Variants in MED13 observed in about 807,000 individuals in gnomAD.
MED13 encodes the protein mediator complex subunit 13.
A neutral mutation model predicts 225.2 loss-of-function variants in MED13; 23 were observed. That is an observed-to-expected ratio of 0.10 (90% CI 0.07 to 0.14). The LOEUF is 0.14. MED13 is among the 10% of genes least tolerant of loss of function. MED13 has a pLI of 1.00. For synonymous variants in MED13, 942 were observed against 889.2 expected (o/e 1.06, Z -1.06); for missense variants, 2,197 against 2,594.5 (o/e 0.85, Z 3.33).
In MED13 at chr17:61,982,408, A is replaced by T; in HGVS notation, c.3595T>A (p.Leu1199Ile). 6.2e-7 allele frequency: 1 copy of T among 1,614,226 alleles called. No homozygotes were observed. Residue 1199 changes from leucine to isoleucine, a missense_variant, in exon 16 of 30, where the codon TTA (leucine) becomes ATA (isoleucine). Coordinates refer to ENST00000397786, the MANE Select transcript of MED13 (RefSeq NM_005121.3). Reference sequence around the variant, plus strand: ...TCTGCTGCTCCAAAGGGTGAAAATAAATTAGTGCACTGATCTTGTAGCAAT... The same window carrying T: ...TCTGCTGCTCCAAAGGGTGAAAATATATTAGTGCACTGATCTTGTAGCAAT... ...ILLLQDQCTN[L>I]FSPFGAADQD... is the part of the protein sequence containing the mutation.
At chr17:62,003,364 G>T (rs151064483) in intron 9 of MED13, among the ~76,000 whole-genome samples, 1,932 of 152,192 alleles carry the variant, frequency 0.013, 15 homozygotes, top group Non-Finnish European at 0.021. Flanking sequence ...CCAGCACTTT[G>T]TGAGGCTGAG....
intron 8 of MED13, among the ~76,000 whole-genome samples, chr17:62,012,158 G>A (rs2080515963): frequency 6.6e-6 from 1 of 151,714 alleles, no homozygotes; most frequent in Non-Finnish European, 1.5e-5. Flanking sequence ...AGAGGTTGCA[G>A]TGAGCCGAGA....
intron 2 of MED13, among the ~76,000 whole-genome samples, chr17:62,062,593 ACACACAC>A (rs1345801249): frequency 1.7e-5 from 1 of 57,206 alleles, no homozygotes; most frequent in Non-Finnish European, 2.9e-5. Flanking sequence ...ACACACACAC[ACACACAC>A]CACACACACA....
intron 8 of MED13, among the ~76,000 whole-genome samples, chr17:62,025,966 G>C (rs1425270265): frequency 6.6e-6 from 1 of 152,168 alleles, no homozygotes; most frequent in Non-Finnish European, 1.5e-5. Flanking sequence ...CAGCACACTT[G>C]AGAGAGTCTG....
At position 61,967,571 on chromosome 17, in the gene MED13, T is replaced by C. The variant is rs989813647; in HGVS notation, c.4191+464A>G. On this transcript the variant is annotated intron_variant, in intron 18 of 29. Transcript: ENST00000397786. ...CAATTATTGCGCCTGGTGATGGATA[T>C]GTGAGAATTATAACTTAAAAGAAGA... Among the ~76,000 whole-genome samples, 4 of 152,160 alleles carry C rather than the reference T, an allele frequency of 2.6e-5. No individual in the cohort carries two copies. The East Asian group carries it at 5.8e-4, about 22-fold the overall frequency.
At chr17:62,062,628 G>A (rs1160991224) in intron 2 of MED13, among the ~76,000 whole-genome samples, 1 of 128,920 alleles carries the variant, frequency 7.8e-6, no homozygotes, top group East Asian at 2.2e-4. Flanking sequence ...ACACACACAC[G>A]GATAGTTACA....
rs116923684 is a variant in MED13, at chr17:62,027,713, A to T, written c.1283+1828T>A. Reference sequence around the variant, plus strand: ...TGTCTAATATCCAGTATCTAAAAAAACTTAAATTTATATATAAAAAAAATC... The same window carrying T: ...TGTCTAATATCCAGTATCTAAAAAATCTTAAATTTATATATAAAAAAAATC... On this transcript the variant is annotated intron_variant, in intron 8 of 29. Transcript: ENST00000397786. 8.4e-3 allele frequency among the ~76,000 whole-genome samples: 1,273 copies of T among 152,290 alleles called. 49 individuals are homozygous for T. In the East Asian group the frequency reaches 0.13, roughly 15 times the overall value.
intron 8 of MED13, among the ~76,000 whole-genome samples, chr17:62,021,544 T>C (rs2080647532): frequency 6.6e-6 from 1 of 152,256 alleles, no homozygotes. Flanking sequence ...CTGCTTTCTA[T>C]GTGCAGTTTT....
At chr17:62,048,742 G>A (rs954622458) in intron 3 of MED13, among the ~76,000 whole-genome samples, 5 of 152,076 alleles carry the variant, frequency 3.3e-5, no homozygotes, top group Admixed American at 1.3e-4. Flanking sequence ...GTGACAGAGC[G>A]TACAAATACT....
Position 61,983,051 on chromosome 17 carries a change from A to G in MED13, c.2952T>C (p.Phe984=). ...TAYTPQTHTS[F]GMPPSSAPPS... ...GAGGTGCACTGCTAGGAGGCATCCC[A>G]AAAGAAGTATGAGTTTGAGGTGTAT... Residue 984 remains phenylalanine (F), a synonymous_variant, in exon 16 of 30, where the codon TTT becomes TTC. Transcript: ENST00000397786. 7 of 1,613,726 alleles carry G rather than the reference A, an allele frequency of 4.3e-6. No homozygotes were observed. The highest frequency in any genetic ancestry group is 5.9e-6 in the Non-Finnish European group (7 of 1,179,782).
intron 8 of MED13, among the ~76,000 whole-genome samples, chr17:62,013,477 T>C (rs546808797): frequency 1.3e-5 from 2 of 151,730 alleles, no homozygotes; most frequent in South Asian, 4.1e-4. Context: ...ACTATTAATA[T>C]ATTCAACCCC....
At chr17:62,008,055 C>T (rs375910598) in intron 9 of MED13, among the ~76,000 whole-genome samples, 15 of 142,088 alleles carry the variant, frequency 1.1e-4, no homozygotes, top group African/African-American at 4.1e-4. Flanking sequence ...CAGTGGCTCA[C>T]GCCTGTAATC....
rs2080230282 is a variant in MED13, at chr17:61,984,347, C to A, written c.2712G>T (p.Lys904Asn). The A allele has an allele frequency of 6.4e-7, 1 of 1,570,600 alleles. No individual in the cohort carries two copies. Among genetic ancestry groups the A allele is most frequent in the South Asian group, 1.2e-5 (1 of 83,714 alleles). ...SEIKDFSYVY[K>N]PENCQILVGC... ...CCACTAGAATTTGACAATTTTCAGGCTTATAGACATAAGAAAAATCCTACA... is the reference window on the plus strand; with the variant it reads ...CCACTAGAATTTGACAATTTTCAGGATTATAGACATAAGAAAAATCCTACA... Residue 904 changes from lysine (K) to asparagine (N), a missense_variant, in exon 15 of 30, where the codon AAG becomes AAT. Physicochemically the swap from Lys to Asn is moderately conservative, Grantham distance 94. This residue lies in a region of MED13 where 160 missense variants were observed against 184.8 expected (regional missense o/e 0.87). Coordinates refer to ENST00000397786, the MANE Select transcript of MED13 (RefSeq NM_005121.3).
intron 12 of MED13, among the ~76,000 whole-genome samples, chr17:61,985,771 CCTT>C (rs1422297332): frequency 1.3e-5 from 2 of 152,164 alleles, no homozygotes; most frequent in African/African-American, 4.8e-5. Flanking sequence ...GCATTTGTCT[CCTT>C]AAGTTGAACA....
Position 61,992,610 on chromosome 17 carries a change from C to T in MED13, c.2193G>A (p.Gly731=). ...EAGKKHKVED[G]TSSVTVLSHE... is the part of the protein sequence containing the mutation. ...GTGATAACACTGTTACACTAGATGT[C>T]CCATCTTCTACCTGCAAACAAATAT... The change falls in exon 11 of 30, where the codon GGG becomes GGA. Residue 731 remains glycine, a synonymous_variant. Transcript: ENST00000397786. 1.2e-6 allele frequency: 2 copies of T among 1,606,270 alleles called. No individual in the cohort carries two copies. Among genetic ancestry groups the T allele is most frequent in the Non-Finnish European group, 1.7e-6 (2 of 1,173,524 alleles).
chr17:62,036,943 A>G (rs896051638), intron 3 of MED13: 5 of 152,174 alleles, frequency 3.3e-5, no homozygotes, highest in African/African-American at 1.2e-4. Context: ...TGACTAGTCT[A>G]AAAAATGCTT....
rs771988136 is a variant in MED13, at chr17:61,984,710, C to T, written c.2632G>A (p.Ala878Thr). Residue 878 changes from alanine (A) to threonine (T), a missense_variant, in exon 14 of 30, where the codon GCG (alanine) becomes ACG (threonine). Physicochemically the swap from Ala to Thr is moderately conservative, Grantham distance 58 (BLOSUM62 0). Coordinates refer to ENST00000397786, the MANE Select transcript of MED13 (RefSeq NM_005121.3). ...TCATCAACCTCAATTTTGAACTGCG[C>T]TCCTATACTAGAACTATTTCCTTCT... ...VLEGNSSSIG[A>T]QFKIEVDEGF... 1 of 1,613,988 alleles carries T rather than the reference C, an allele frequency of 6.2e-7. No homozygotes were observed. The highest frequency in any genetic ancestry group is 8.5e-7 in the Non-Finnish European group (1 of 1,179,934).
intron 8 of MED13, among the ~76,000 whole-genome samples, chr17:62,019,846 C>G (rs1011452284): frequency 6.6e-6 from 1 of 151,878 alleles, no homozygotes; most frequent in Admixed American, 6.6e-5. Context: ...CAGGTTCACG[C>G]CATTCTCCTG....
intron 15 of MED13, among the ~76,000 whole-genome samples, chr17:61,983,849 C>T (rs1383812068): frequency 6.6e-6 from 1 of 151,870 alleles, no homozygotes; most frequent in Non-Finnish European, 1.5e-5. Flanking sequence ...GTGCCTCAGC[C>T]TCCCAAGTAG....
Sources: gnomAD v4.1 joint callset for allele counts (sites outside exome capture counted in the v4.1 genomes callset) on GRCh38, gnomAD v4.1.1 for gene constraint, gnomAD v4.1.1 regional missense constraint, MANE v1.5 for transcripts, NCBI Gene and HGNC (gene_info 2026-07-23, HGNC 2026-07-21) for gene names.